The following CD2AP variants were observed in gnomAD, a reference collection of about 807,000 sequenced individuals.
The protein encoded by CD2AP is CD2-associated protein.
CD2AP carries 46 observed loss-of-function variants against 85.1 expected under a neutral mutation model. The observed-to-expected ratio is 0.54, with a 90% CI of 0.43 to 0.69. CD2AP has a LOEUF of 0.69. Among genes scored for constraint, CD2AP ranks in the 30% least tolerant of loss-of-function variants. The pLI, the probability that CD2AP is intolerant of heterozygous loss-of-function variation, is 0.00. For missense variants in CD2AP, 769 were observed against 729.5 expected (o/e 1.05, Z -0.62); for synonymous variants, 255 against 252.9 (o/e 1.01, Z -0.08).
intron 5 of CD2AP, among the ~76,000 whole-genome samples, chr6:47,560,740 C>T (rs1767837163): frequency 6.6e-6 from 1 of 152,042 alleles, no homozygotes. Flanking sequence ...GCTGTGCTGC[C>T]ACTGTACTTT....
At chr6:47,537,935 G>A (rs1187766681) in intron 3 of CD2AP, among the ~76,000 whole-genome samples, 3 of 144,396 alleles carry the variant, frequency 2.1e-5, no homozygotes, top group Non-Finnish European at 4.7e-5. Flanking sequence ...ATTTTTAGTA[G>A]TGATGGGGTT....
intron 7 of CD2AP, 134 bp downstream of exon 7, chr6:47,576,736 T>C: frequency 1.4e-6 from 1 of 728,316 alleles, no homozygotes; most frequent in Non-Finnish European, 2.4e-6. Flanking sequence ...CACCATGAGG[T>C]CAAGGATTTT....
intron 1 of CD2AP, among the ~76,000 whole-genome samples, chr6:47,492,945 A>G (rs1765770816): frequency 1.3e-5 from 2 of 152,168 alleles, no homozygotes; most frequent in South Asian, 2.1e-4. Context: ...ATTTATAACT[A>G]ATGTTAAATT....
chr6:47,478,140 C>G lies in CD2AP; in HGVS notation c.-105C>G. On this transcript the variant is annotated 5_prime_UTR_variant, in exon 1 of 18. Transcript: ENST00000359314. ...CGCCTGAGCTCAGGAGGGGCTAGCG[C>G]GGAGCGCGGGTCCCGCCTCCAGCCG... 1.4e-6 allele frequency: 2 copies of G among 1,428,316 alleles called. No individual in the cohort carries two copies. The highest frequency in any genetic ancestry group is 1.2e-5 in the South Asian group (1 of 81,540). The allele number at this position is 1,428,316 out of a possible 1,614,324, so 88.5% of individuals were successfully genotyped here. A position where few individuals can be genotyped will look rare whatever the true frequency, so the allele number is the denominator to read the frequency against.
At chr6:47,616,111 A>T (rs1175594191) in intron 17 of CD2AP, among the ~76,000 whole-genome samples, 29 of 36,862 alleles carry the variant, frequency 7.9e-4, no homozygotes, top group African/African-American at 4.0e-3. Context: ...TTTTTTTTTG[A>T]GATGAAGTCT....
chr6:47,572,314 T>C (rs1459811901), intron 5 of CD2AP, among the ~76,000 whole-genome samples: 1 of 152,212 alleles, frequency 6.6e-6, no homozygotes, highest in African/African-American at 2.4e-5. Context: ...AATTGTTCTG[T>C]ATCTTGTTGT....
rs539201209 is a variant in CD2AP, at chr6:47,627,057, AC to A, written c.*2831del. On this transcript the variant is annotated 3_prime_UTR_variant, in exon 18 of 18. Coordinates refer to ENST00000359314, the MANE Select transcript of CD2AP (RefSeq NM_012120.3). ...GAGGGGGAATCTCAAAATAGTATAT[AC>A]TTCACTAACTTGTTTACAGGTGCTG... 1.2e-3 allele frequency: 182 copies of A among 152,570 alleles called. 2 individuals carry two copies. Among genetic ancestry groups the A allele is most frequent in the African/African-American group, 4.2e-3 (173 of 41,556 alleles). 9.5% of individuals were successfully genotyped at this position (152,570 alleles called of 1,614,324 possible).
chr6:47,607,221 G>A (rs1582618989), intron 14 of CD2AP, among the ~76,000 whole-genome samples: 1 of 152,032 alleles, frequency 6.6e-6, no homozygotes, highest in African/African-American at 2.4e-5. Flanking sequence ...GGACACTTAG[G>A]TTGATTCCAA....
At chr6:47,509,143 C>A (rs1664162842) in intron 2 of CD2AP, among the ~76,000 whole-genome samples, 1 of 151,886 alleles carries the variant, frequency 6.6e-6, no homozygotes, top group South Asian at 2.1e-4. Flanking sequence ...GAATAGGGAG[C>A]CCTGAGGAGT....
chr6:47,572,323 G>T (rs1768179584), intron 5 of CD2AP, among the ~76,000 whole-genome samples: 1 of 152,204 alleles, frequency 6.6e-6, no homozygotes, highest in South Asian at 2.1e-4. Context: ...GTATCTTGTT[G>T]TATTTACATG....
At chr6:47,591,090 G>A (rs914339868) in intron 11 of CD2AP, among the ~76,000 whole-genome samples, 2 of 152,204 alleles carry the variant, frequency 1.3e-5, no homozygotes, top group African/African-American at 4.8e-5. Flanking sequence ...GGGTAAAAGA[G>A]TTGAGGTATA....
intron 3 of CD2AP, among the ~76,000 whole-genome samples, chr6:47,534,733 A>G (rs957323020): frequency 1.3e-5 from 2 of 152,174 alleles, no homozygotes; most frequent in Non-Finnish European, 2.9e-5. Context: ...ACAAAGAATT[A>G]CGGTGTTATG....
intron 4 of CD2AP, among the ~76,000 whole-genome samples, chr6:47,551,520 G>A (rs1338836166): frequency 6.6e-6 from 1 of 152,148 alleles, no homozygotes; most frequent in African/African-American, 2.4e-5. Flanking sequence ...ATCCTTGAAA[G>A]TTTTAAAAAA....
At chr6:47,521,546 C>T (rs771159446) in intron 2 of CD2AP, among the ~76,000 whole-genome samples, 36 of 151,720 alleles carry the variant, frequency 2.4e-4, no homozygotes, top group African/African-American at 8.0e-4. Context: ...AGTGAGACTC[C>T]GTCTCAAAAA....
At chr6:47,599,488 G>C in intron 13 of CD2AP, 45 bp downstream of exon 13, 1 of 1,538,268 alleles carries the variant, frequency 6.5e-7, no homozygotes, top group Non-Finnish European at 8.9e-7. Flanking sequence ...AAAAAAAATT[G>C]TCAAAGAAAC....
intron 5 of CD2AP, among the ~76,000 whole-genome samples, chr6:47,556,614 G>T (rs750272900): frequency 6.6e-6 from 1 of 152,074 alleles, no homozygotes; most frequent in East Asian, 1.9e-4. Flanking sequence ...CTCCCAAAGT[G>T]CTGAGATTAC....
At chr6:47,531,824 G>GC (rs955088039) in intron 2 of CD2AP, among the ~76,000 whole-genome samples, 1 of 152,042 alleles carries the variant, frequency 6.6e-6, no homozygotes, top group African/African-American at 2.4e-5. Context: ...TGTAATCCCA[G>GC]CACTTTGGGA....
rs564065920 is a variant in CD2AP at position 47,612,515 on chromosome 6, G to A, written c.1857G>A (p.Lys619=). Residue 619 remains lysine, a synonymous_variant, in exon 17 of 18, where the codon AAG becomes AAA. Coordinates refer to ENST00000359314, the MANE Select transcript of CD2AP (RefSeq NM_012120.3). ...EKLRKDLEEE[K]TMRSNLEMEI... Reference sequence around the variant, plus strand: ...TGCGAAAAGATTTGGAAGAAGAGAAGACAATGAGAAGTAATCTAGAGGTAA... The same window carrying A: ...TGCGAAAAGATTTGGAAGAAGAGAAAACAATGAGAAGTAATCTAGAGGTAA... 4 of 1,607,788 alleles carry A rather than the reference G, an allele frequency of 2.5e-6. No individual in the cohort carries two copies. In the South Asian group the frequency reaches 4.4e-5, roughly 18 times the overall value.
chr6:47,515,542 C>T (rs1296153739), intron 2 of CD2AP, among the ~76,000 whole-genome samples: 2 of 152,168 alleles, frequency 1.3e-5, no homozygotes, highest in Non-Finnish European at 2.9e-5. Context: ...GTAATATGGG[C>T]TAAAAACTTG....
Sources: gnomAD v4.1 joint callset for allele counts (sites outside exome capture counted in the v4.1 genomes callset) on GRCh38, gnomAD v4.1.1 for gene constraint, MANE v1.5 for transcripts, NCBI Gene and HGNC (gene_info 2026-07-23, HGNC 2026-07-21) for gene names.